GLIPR1: variants seen among roughly 807,000 people sequenced by gnomAD.
GLIPR1 encodes the protein GLI pathogenesis related 1, also known as glioma pathogenesis-related protein 1.
GLIPR1 carries 38 observed loss-of-function variants against 30.3 expected under a neutral mutation model. The ratio of observed to expected loss-of-function variants is 1.26; its 90% CI spans 0.97 to 1.65. The LOEUF is 1.65. GLIPR1 is among the 40% of genes most tolerant of loss of function. The probability of loss-of-function intolerance (pLI) is 0.00; values close to 1 mark genes in which losing one functional copy is unlikely to be tolerated. For missense variants in GLIPR1, 285 were observed against 326.5 expected (o/e 0.87, Z 0.98); for synonymous variants, 122 against 110.6 (o/e 1.10, Z -0.65).
chr12:75,482,933 T>C (rs2046278052), intron 2 of GLIPR1, among the ~76,000 whole-genome samples: 1 of 152,080 alleles, frequency 6.6e-6, no homozygotes, highest in Non-Finnish European at 1.5e-5. Context: ...ATTGACTGTT[T>C]TGGGGCACAA....
At position 75,499,637 on chromosome 12, in the gene GLIPR1, C is replaced by CA. The variant is rs539705148; in HGVS notation, c.*665dup. 1.5e-3 allele frequency: 537 copies of CA among 358,740 alleles called. 3 individuals are homozygous for CA. The highest frequency in any genetic ancestry group is 1.0e-2 in the African/African-American group (459 of 45,982). 22.2% of individuals were successfully genotyped at this position (358,740 alleles called of 1,614,324 possible). The stretch of plus-strand genomic sequence containing the variant: ...ATACCACTTTCTCGTATAAATTTTT[C>CA]AAAAAATACAATAATAATATAATTT... On this transcript the variant is annotated 3_prime_UTR_variant, in exon 6 of 6. Coordinates refer to ENST00000266659, the MANE Select transcript of GLIPR1 (RefSeq NM_006851.3).
Position 75,499,711 on chromosome 12 carries a change from A to G in GLIPR1, c.*733A>G. The G allele has an allele frequency of 1.4e-6, 1 of 725,862 alleles. No homozygotes were observed. Among genetic ancestry groups the G allele is most frequent in the Non-Finnish European group, 2.1e-6 (1 of 470,892 alleles). The allele number at this position is 725,862 out of a possible 1,614,324, so 45.0% of individuals were successfully genotyped here. A position where few individuals can be genotyped will look rare whatever the true frequency, so the allele number is the denominator to read the frequency against. On this transcript the variant is annotated 3_prime_UTR_variant, in exon 6 of 6. Transcript: ENST00000266659. ...AACCACCACCACCAAAAAAAAAAAAAGCCCTCAGAAAATTTCTCACAAATA... is the reference window on the plus strand; with the variant it reads ...AACCACCACCACCAAAAAAAAAAAAGGCCCTCAGAAAATTTCTCACAAATA...
chr12:75,500,010 G>T lies in GLIPR1; in HGVS notation c.*1032G>T. On this transcript the variant is annotated 3_prime_UTR_variant, in exon 6 of 6. Transcript: ENST00000266659. ...TTTAGATTTTACCAAGTAAAACAAA[G>T]AATATATGTTTAACAAAGAATATAT... The T allele has an allele frequency of 1.5e-6, 2 of 1,326,844 alleles. No homozygotes were observed. The highest frequency in any genetic ancestry group is 2.1e-6 in the Non-Finnish European group (2 of 966,468). 82.2% of individuals were successfully genotyped at this position (1,326,844 alleles called of 1,614,324 possible).
intron 3 of GLIPR1, chr12:75,491,517 G>C (rs758582458): frequency 7.9e-5 from 12 of 152,082 alleles, no homozygotes; most frequent in Non-Finnish European, 1.5e-4. Context: ...ATAATTCCTT[G>C]AGATACTAGC....
chr12:75,485,725 T>C (rs1163886384), intron 2 of GLIPR1, among the ~76,000 whole-genome samples: 1 of 151,704 alleles, frequency 6.6e-6, no homozygotes, highest in East Asian at 1.9e-4. Context: ...TAATTTTTTG[T>C]ATTTTTAGTA....
chr12:75,489,556 C>T lies in GLIPR1; in HGVS notation c.421-850C>T, dbSNP rs143610396. On this transcript the variant is annotated intron_variant, in intron 2 of 5. Coordinates refer to ENST00000266659, the MANE Select transcript of GLIPR1 (RefSeq NM_006851.3). ...AAACCCCTGCCCACGCTCCCACCTA[C>T]CCTCCTCCTTCCCTAGTTTTCTCCA... Among the ~76,000 whole-genome samples, 462 of 152,094 alleles carry T rather than the reference C, an allele frequency of 3.0e-3. 2 individuals carry two copies. The highest frequency in any genetic ancestry group is 0.01 in the African/African-American group (418 of 41,478).
At chr12:75,482,679 A>T (rs1875471) in intron 2 of GLIPR1, among the ~76,000 whole-genome samples, 49,570 of 151,146 alleles carry the variant, frequency 0.33, 8,818 homozygotes, top group East Asian at 0.46. Context: ...CCATATTATT[A>T]GTCCCAATAG....
chr12:75,493,969 A>G (rs2046336569), intron 3 of GLIPR1: 1 of 152,210 alleles, frequency 6.6e-6, no homozygotes, highest in Admixed American at 6.5e-5. Context: ...TAGAACTTAA[A>G]CCACTTAATA....
At chr12:75,489,203 T>C (rs1461701894) in intron 2 of GLIPR1, among the ~76,000 whole-genome samples, 1 of 152,182 alleles carries the variant, frequency 6.6e-6, no homozygotes, top group African/African-American at 2.4e-5. Context: ...CTAAAGGTGC[T>C]AAAATATGTG....
intron 4 of GLIPR1, chr12:75,497,859 T>C (rs766884984): frequency 2.6e-5 from 4 of 151,856 alleles, no homozygotes; most frequent in Non-Finnish European, 5.9e-5. Context: ...GTACATTTGT[T>C]TCAATAGTTG....
chr12:75,503,037 A>G lies in GLIPR1; in HGVS notation c.*4059A>G, dbSNP rs1470739909. 6.6e-6 allele frequency: 1 copy of G among 152,080 alleles called. No individual in the cohort carries two copies. Among genetic ancestry groups the G allele is most frequent in the Non-Finnish European group, 1.5e-5 (1 of 67,962 alleles). 9.4% of individuals were successfully genotyped at this position (152,080 alleles called of 1,614,324 possible). A position where few individuals can be genotyped will look rare whatever the true frequency, so the allele number is the denominator to read the frequency against. Reference sequence around the variant, plus strand: ...ATGAGTTCACATGCTGAGCAGAAGTAGAAAGGGAAGGCTTTAGGATATAGC... The same window carrying G: ...ATGAGTTCACATGCTGAGCAGAAGTGGAAAGGGAAGGCTTTAGGATATAGC... On this transcript the variant is annotated 3_prime_UTR_variant, in exon 6 of 6. Transcript: ENST00000266659.
chr12:75,494,683 G>A (rs1208763555), intron 3 of GLIPR1: 1 of 152,126 alleles, frequency 6.6e-6, no homozygotes, highest in Admixed American at 6.5e-5. Context: ...AAAAAGTTTA[G>A]AACTTTTTCC....
intron 5 of GLIPR1, 50 bp from the exon 6 acceptor site, chr12:75,498,774 T>G: frequency 6.2e-7 from 1 of 1,606,632 alleles, no homozygotes; most frequent in Non-Finnish European, 8.5e-7. Context: ...ATTCTGTCAG[T>G]GCATTATGAG....
rs1199310885 is a variant in GLIPR1 at position 75,503,846 on chromosome 12, T to C, written c.*4868T>C. ...CCTGAAATACTTTCAATAAAGTTTC[T>C]GACCAAATACATTAAAATAGATTCT... is the stretch of plus-strand genomic sequence containing the variant. On this transcript the variant is annotated 3_prime_UTR_variant, in exon 6 of 6. Transcript: ENST00000266659. The C allele has an allele frequency of 3.4e-6, 5 of 1,459,938 alleles. No homozygotes were observed. The Admixed American group carries it at 6.3e-5, about 18-fold the overall frequency. The allele number at this position is 1,459,938 out of a possible 1,614,324, so 90.4% of individuals were successfully genotyped here.
intron 2 of GLIPR1, among the ~76,000 whole-genome samples, chr12:75,490,195 T>TCACACACACACA (rs71829276): frequency 3.0e-3 from 424 of 141,696 alleles, no homozygotes; most frequent in Middle Eastern, 0.01. Context: ...TTATCTTATT[T>TCACACACACACA]CACACACACA....
chr12:75,490,224 CACACACA>C (rs1566097351), intron 2 of GLIPR1, among the ~76,000 whole-genome samples, 175 bp from the exon 3 acceptor site: 2 of 150,800 alleles, frequency 1.3e-5, no homozygotes, highest in African/African-American at 2.5e-5. Context: ...CACACACACA[CACACACA>C]CACCCCAATA....
chr12:75,490,502 T>C lies in GLIPR1; in HGVS notation c.517T>C (p.Cys173Arg), dbSNP rs1255632991. The change falls in exon 3 of 6, where the codon TGC (cysteine) becomes CGC (arginine). Residue 173 changes from cysteine (C) to arginine (R), a missense_variant. Transcript: ENST00000266659. ...TCTTTCCAATGGAGCACATTTTATA[T>C]GCAACTACGGACCAGGGTAAGTGCC... ...DALSNGAHFI[C>R]NYGPGGNYPT... 3 of 1,354,882 alleles carry C rather than the reference T, an allele frequency of 2.2e-6. No individual in the cohort carries two copies. The highest frequency in any genetic ancestry group is 2.0e-6 in the Non-Finnish European group (2 of 1,002,080). The allele number at this position is 1,354,882 out of a possible 1,614,324, so 83.9% of individuals were successfully genotyped here. A position where few individuals can be genotyped will look rare whatever the true frequency, so the allele number is the denominator to read the frequency against.
At chr12:75,496,438 A>G (rs1333132191) in intron 4 of GLIPR1, 2 of 152,150 alleles carry the variant, frequency 1.3e-5, no homozygotes, top group Non-Finnish European at 2.9e-5. Context: ...AGAAGCTGCA[A>G]GCAGTTAAAT....
rs539566201 is a variant in GLIPR1, at chr12:75,480,906, C to G, written c.26C>G (p.Ala9Gly). The change falls in exon 1 of 6, where the codon GCC becomes GGC. Residue 9 changes from alanine to glycine, a missense_variant. Physicochemically the swap from Ala to Gly is moderately conservative, Grantham distance 60. Coordinates refer to ENST00000266659, the MANE Select transcript of GLIPR1 (RefSeq NM_006851.3). MRVTLATI[A>G]WMVSFVSNYS... The stretch of plus-strand genomic sequence containing the variant: ...ATGCGTGTCACACTTGCTACAATAG[C>G]CTGGATGGTTTCTTTTGTCTCCAAT... The G allele has an allele frequency of 1.9e-6, 3 of 1,613,140 alleles. No homozygotes were observed. In the African/African-American group the frequency reaches 4.0e-5, roughly 22 times the overall value.
Sources: allele counts gnomAD v4.1 joint callset (sites outside exome capture counted in the v4.1 genomes callset), GRCh38; gene constraint gnomAD v4.1.1; transcripts MANE v1.5; gene names NCBI Gene and HGNC (gene_info 2026-07-23, HGNC 2026-07-21).